CUL2: variants seen among roughly 807,000 people sequenced by gnomAD.
CUL2 encodes the protein cullin-2.
In CUL2, 22 loss-of-function variants were observed where a neutral mutation model predicts 110.2. The observed-to-expected ratio is 0.20, with a 90% CI of 0.14 to 0.28. The LOEUF is 0.28. Among genes scored for constraint, CUL2 ranks in the 10% least tolerant of loss-of-function variants. CUL2 has a pLI of 1.00. For synonymous variants in CUL2, 279 were observed against 293.2 expected (o/e 0.95, Z 0.49); for missense variants, 631 against 905.5 (o/e 0.70, Z 3.89).
chr10:35,122,875 C>CA (rs1007669091), intron 1 of CUL2, among the ~76,000 whole-genome samples: 3 of 152,188 alleles, frequency 2.0e-5, no homozygotes, highest in Admixed American at 2.0e-4. Flanking sequence ...CTCCTCACCT[C>CA]AAGTGATCTG....
rs762642086 is a variant in CUL2 at position 35,032,402 on chromosome 10, A to G, written c.1170+33T>C. On this transcript the variant is annotated intron_variant, in intron 12 of 20. Transcript: ENST00000374749. ...TCTCATTTTCTAATACTGACTTTTCATAAGATTACTTTTCAGCAACCACCA... is the reference window on the plus strand; with the variant it reads ...TCTCATTTTCTAATACTGACTTTTCGTAAGATTACTTTTCAGCAACCACCA... The G allele has an allele frequency of 6.4e-6, 10 of 1,558,254 alleles. No individual in the cohort carries two copies. In the South Asian group the frequency reaches 9.6e-5, roughly 15 times the overall value.
At chr10:35,088,499 CAAA>C (rs9299718) in intron 1 of CUL2, among the ~76,000 whole-genome samples, 34 of 88,562 alleles carry the variant, frequency 3.8e-4, no homozygotes, top group Admixed American at 9.3e-4. Flanking sequence ...GACTCCGCCT[CAAA>C]AAAAAAAAAA....
chr10:35,044,394 C>T (rs1346383788), intron 8 of CUL2, among the ~76,000 whole-genome samples, 172 bp downstream of exon 8: 1 of 152,090 alleles, frequency 6.6e-6, no homozygotes, highest in African/African-American at 2.4e-5. Context: ...AGAGCAATGA[C>T]TTATCAATCG....
chr10:35,094,515 G>A (rs184176101), upstream of CUL2, among the ~76,000 whole-genome samples: 3 of 152,274 alleles, frequency 2.0e-5, no homozygotes, highest in Non-Finnish European at 2.9e-5. Context: ...GATTACAGGC[G>A]GGAGCCACTG....
chr10:35,116,611 C>G (rs1462463288), intron 1 of CUL2, among the ~76,000 whole-genome samples: 1 of 151,788 alleles, frequency 6.6e-6, no homozygotes, highest in African/African-American at 2.4e-5. Context: ...AAGAATATGA[C>G]TTTTGGGGGA....
At chr10:35,060,548 A>G (rs894374283) in intron 4 of CUL2, among the ~76,000 whole-genome samples, 6 of 152,386 alleles carry the variant, frequency 3.9e-5, no homozygotes, top group Non-Finnish European at 7.3e-5. Flanking sequence ...AGATTTTCCC[A>G]CTAAGTTTCA....
chr10:35,045,708 C>A (rs2085921486), intron 6 of CUL2, among the ~76,000 whole-genome samples: 1 of 151,852 alleles, frequency 6.6e-6, no homozygotes, highest in South Asian at 2.1e-4. Flanking sequence ...CAGAGCAAGA[C>A]CCTGTCTCAA....
At chr10:35,063,114 A>G in intron 2 of CUL2, 52 bp from the exon 3 acceptor site, 3 of 1,041,406 alleles carry the variant, frequency 2.9e-6, no homozygotes, top group Non-Finnish European at 4.4e-6. Context: ...TTTAAAACAT[A>G]ATGAGATTTA....
At chr10:35,091,997 T>C (rs931946194), upstream of CUL2, among the ~76,000 whole-genome samples, 1 of 152,064 alleles carries the variant, frequency 6.6e-6, no homozygotes, top group Non-Finnish European at 1.5e-5. Flanking sequence ...GAGGCTGGAG[T>C]GCAGGAGTGC....
At chr10:35,081,133 A>T (rs2086938647) in intron 1 of CUL2, among the ~76,000 whole-genome samples, 1 of 152,096 alleles carries the variant, frequency 6.6e-6, no homozygotes, top group Non-Finnish European at 1.5e-5. Context: ...CTAAGGTGGG[A>T]GCTTGGCTTG....
intron 1 of CUL2, among the ~76,000 whole-genome samples, chr10:35,120,945 A>G (rs528147668): frequency 6.6e-6 from 1 of 151,150 alleles, no homozygotes; most frequent in South Asian, 2.1e-4. Context: ...CATTTTATAT[A>G]CAAGGTAATA....
chr10:35,114,673 G>A (rs546966463), intron 1 of CUL2, among the ~76,000 whole-genome samples: 3 of 152,000 alleles, frequency 2.0e-5, no homozygotes, highest in African/African-American at 7.2e-5. Flanking sequence ...GAGCCACCGC[G>A]CCTGGCCCGC....
intron 4 of CUL2, among the ~76,000 whole-genome samples, chr10:35,059,933 T>C (rs960692926): frequency 3.3e-5 from 5 of 152,186 alleles, no homozygotes; most frequent in African/African-American, 1.2e-4. Flanking sequence ...GGCTGCAACA[T>C]TTACTAAAAG....
At chr10:35,081,610 T>C (rs887495169) in intron 1 of CUL2, among the ~76,000 whole-genome samples, 30 of 152,184 alleles carry the variant, frequency 2.0e-4, no homozygotes, top group Non-Finnish European at 3.2e-4. Context: ...AACAAATTTT[T>C]TGGCTGTGTG....
chr10:35,037,550 TG>T (rs1318071401), intron 9 of CUL2, among the ~76,000 whole-genome samples: 2 of 152,170 alleles, frequency 1.3e-5, no homozygotes, highest in African/African-American at 4.8e-5. Context: ...TTAATGTTGC[TG>T]TAAAAAACAC....
chr10:35,017,025 A>C (rs1470509984), intron 17 of CUL2, among the ~76,000 whole-genome samples: 1 of 152,116 alleles, frequency 6.6e-6, no homozygotes, highest in African/African-American at 2.4e-5. Context: ...AAACAATAAA[A>C]GGAGGTGGGA....
At chr10:35,098,755 A>C (rs998031395) in intron 2 of CUL2, among the ~76,000 whole-genome samples, 1 of 151,370 alleles carries the variant, frequency 6.6e-6, no homozygotes, top group Admixed American at 6.6e-5. Context: ...ACATGGCGAA[A>C]CCCCATCTCT....
In CUL2 at chr10:35,013,722, A is replaced by G. The variant is rs776804265; in HGVS notation, c.1966T>C (p.Ser656Pro). The change falls in exon 19 of 21, where the codon TCA (serine) becomes CCA (proline). Residue 656 changes from serine to proline, a missense_variant. By Grantham distance (74) the Ser-to-Pro change is moderately conservative (BLOSUM62 -1). Coordinates refer to ENST00000374749, the MANE Select transcript of CUL2 (RefSeq NM_003591.4). ...ACTTGTGGTGTGTCTTTCTGCATTG[A>G]TGTAGTAATTTTAAATTTTGTTCTT... is the stretch of plus-strand genomic sequence containing the variant. The part of the protein sequence containing the change: ...SKRTKFKITT[S>P]MQKDTPQEME... The G allele has an allele frequency of 3.8e-6, 6 of 1,567,678 alleles. No individual in the cohort carries two copies. The African/African-American group carries it at 8.1e-5, about 21-fold the overall frequency.
At position 35,051,612 on chromosome 10, in the gene CUL2, AAAC is replaced by A. The variant is rs561771748; in HGVS notation, c.424-1850_424-1848del. 6.6e-4 allele frequency among the ~76,000 whole-genome samples: 101 copies of A among 152,210 alleles called. 1 individual carries two copies. Among genetic ancestry groups the A allele is most frequent in the South Asian group, 3.5e-3 (17 of 4,824 alleles). ...TGGGCGACAGCAAGACTCCGTCTCA[AAAC>A]AACAACAACAACAACAAAAAATAGT... On this transcript the variant is annotated intron_variant, in intron 5 of 20. Transcript: ENST00000374749.
Sources: gnomAD v4.1 joint callset for allele counts (sites outside exome capture counted in the v4.1 genomes callset) on GRCh38, gnomAD v4.1.1 for gene constraint, MANE v1.5 for transcripts, NCBI Gene and HGNC (gene_info 2026-07-23, HGNC 2026-07-21) for gene names.